Variants in IFI44L observed in about 807,000 individuals in gnomAD.
The protein encoded by IFI44L is interferon induced protein 44 like.
In IFI44L, 40 loss-of-function variants were observed where a neutral mutation model predicts 39.3. That is an observed-to-expected ratio of 1.02 (90% CI 0.79 to 1.33). The LOEUF is 1.33. Ranked by LOEUF, IFI44L falls within the 40% of genes most tolerant of loss-of-function variation. The probability of loss-of-function intolerance (pLI) is 0.00; values close to 1 mark genes in which losing one functional copy is unlikely to be tolerated. For synonymous variants in IFI44L, 198 were observed against 182.3 expected (o/e 1.09, Z -0.69); for missense variants, 623 against 549.0 (o/e 1.13, Z -1.35).
intron 6 of IFI44L, 22 bp from the exon 7 acceptor site, chr1:78,640,998 AC>A: frequency 6.7e-7 from 1 of 1,493,606 alleles, no homozygotes; most frequent in Non-Finnish European, 9.3e-7. Context: ...ATATAAAATA[AC>A]TGATTTATCT....
intron 6 of IFI44L, among the ~76,000 whole-genome samples, chr1:78,638,207 CAT>C (rs1029954858): frequency 1.3e-5 from 2 of 152,110 alleles, no homozygotes; most frequent in African/African-American, 4.8e-5. Context: ...AACATCTTCT[CAT>C]GTGCTTATTT....
Position 78,641,047 on chromosome 1 carries a change from A to G in IFI44L, c.1075A>G (p.Lys359Glu). 2 of 1,612,314 alleles carry G rather than the reference A, an allele frequency of 1.2e-6. No homozygotes were observed. Among genetic ancestry groups the G allele is most frequent in the Non-Finnish European group, 1.7e-6 (2 of 1,178,652 alleles). The change falls in exon 7 of 9, where the codon AAA (lysine) becomes GAA (glutamate). Residue 359 changes from lysine to glutamate, a missense_variant. Lys to Glu is a moderately conservative substitution (Grantham distance 56, BLOSUM62 1). Transcript: ENST00000370751. ...CGIAYVALLT[K>E]VDDCSEVLQD... ...TATAGCATATGTGGCCTTGCTTACT[A>G]AAGTGGATGATTGCAGTGAGGTTCT...
chr1:78,627,352 T>A (rs1408473506), intron 1 of IFI44L: 1 of 152,044 alleles, frequency 6.6e-6, no homozygotes, highest in African/African-American at 2.4e-5. Flanking sequence ...CTTTCATATT[T>A]CAATTTCTTT....
Position 78,629,235 on chromosome 1 carries a change from G to A in IFI44L, c.527+236G>A, listed in dbSNP as rs3818763. Among the ~76,000 whole-genome samples the A allele has an allele frequency of 0.19, 29,105 of 152,092 alleles. 3,357 individuals are homozygous for A. The highest frequency in any genetic ancestry group is 0.26 in the Middle Eastern group (77 of 294). ...ACTTTAGACCAAAATTTTCCAGGTA[G>A]GGTCTGGATAACCATTTTAGGTAAT... On this transcript the variant is annotated intron_variant, in intron 3 of 8. Coordinates refer to ENST00000370751, the MANE Select transcript of IFI44L (RefSeq NM_006820.4).
intron 1 of IFI44L, among the ~76,000 whole-genome samples, chr1:78,623,427 A>G (rs199558089): frequency 1.1e-5 from 1 of 94,788 alleles, no homozygotes; most frequent in African/African-American, 4.1e-5. Flanking sequence ...TTTTTTTTTT[A>G]AATCATGGAA....
At chr1:78,631,915 C>CT (rs1339981162) in intron 4 of IFI44L, among the ~76,000 whole-genome samples, 1 of 151,968 alleles carries the variant, frequency 6.6e-6, no homozygotes, top group Non-Finnish European at 1.5e-5. Context: ...GTATTTCTCC[C>CT]AATTACTGCA....
rs1646992068 is a variant in IFI44L at position 78,641,917 on chromosome 1, C to T, written c.*108C>T. ...TCAGATTTTGCTTTTGTTCGTTTTG[C>T]CTTCTGTCCTTGGAACAGTCATATC... On this transcript the variant is annotated 3_prime_UTR_variant, in exon 9 of 9. Transcript: ENST00000370751. 1.6e-6 allele frequency: 2 copies of T among 1,236,028 alleles called. No individual in the cohort carries two copies. Among genetic ancestry groups the T allele is most frequent in the South Asian group, 1.2e-5 (1 of 83,350 alleles). 76.6% of individuals were successfully genotyped at this position (1,236,028 alleles called of 1,614,324 possible). A position where few individuals can be genotyped will look rare whatever the true frequency, so the allele number is the denominator to read the frequency against.
At chr1:78,638,415 C>G (rs780026302) in intron 6 of IFI44L, among the ~76,000 whole-genome samples, 5 of 152,064 alleles carry the variant, frequency 3.3e-5, no homozygotes, top group Non-Finnish European at 7.4e-5. Context: ...ATTTCCATCC[C>G]TGCCATCTCT....
At position 78,627,893 on chromosome 1, in the gene IFI44L, G is replaced by T; in HGVS notation, c.-10-13G>T. The T allele has an allele frequency of 1.4e-6, 2 of 1,437,924 alleles. No homozygotes were observed. The highest frequency in any genetic ancestry group is 1.9e-6 in the Non-Finnish European group (2 of 1,073,972). 89.1% of individuals were successfully genotyped at this position (1,437,924 alleles called of 1,614,324 possible). ...TATATAAGCTTCTCAACCTATAATTGTTTTTCCATTAGATATAGAACAATG... is the reference window on the plus strand; with the variant it reads ...TATATAAGCTTCTCAACCTATAATTTTTTTTCCATTAGATATAGAACAATG... On this transcript the variant is annotated splice_polypyrimidine_tract_variant and intron_variant, in intron 1 of 8. Transcript: ENST00000370751.
rs984554629 is a variant in IFI44L, at chr1:78,633,947, A to G, written c.724-1390A>G. On this transcript the variant is annotated intron_variant, in intron 4 of 8. Coordinates refer to ENST00000370751, the MANE Select transcript of IFI44L (RefSeq NM_006820.4). ...TACAATGGGTGAAATGAGAAATGAA[A>G]TAGAGAGCATCAACAGCAGAATTGA... Among the ~76,000 whole-genome samples the G allele has an allele frequency of 8.5e-5, 13 of 152,124 alleles. No individual in the cohort carries two copies. The East Asian group carries it at 2.3e-3, about 27-fold the overall frequency.
At chr1:78,623,745 A>G (rs1366252453) in intron 1 of IFI44L, among the ~76,000 whole-genome samples, 1 of 152,126 alleles carries the variant, frequency 6.6e-6, no homozygotes, top group Non-Finnish European at 1.5e-5. Context: ...GTGGGAACTG[A>G]GAGAGCTGGA....
rs1031207848 is a variant in IFI44L at position 78,642,278 on chromosome 1, A to G, written c.*469A>G. ...CTGGTAATGAGCAAGCATACTTGCCATTACTTTTCCTTCCCACTCTCTCCA... is the reference window on the plus strand; with the variant it reads ...CTGGTAATGAGCAAGCATACTTGCCGTTACTTTTCCTTCCCACTCTCTCCA... On this transcript the variant is annotated 3_prime_UTR_variant, in exon 9 of 9. Coordinates refer to ENST00000370751, the MANE Select transcript of IFI44L (RefSeq NM_006820.4). 3 of 153,594 alleles carry G rather than the reference A, an allele frequency of 2.0e-5. No individual in the cohort carries two copies. Among genetic ancestry groups the G allele is most frequent in the African/African-American group, 7.3e-5 (3 of 41,234 alleles). 9.5% of individuals were successfully genotyped at this position (153,594 alleles called of 1,614,324 possible). A position where few individuals can be genotyped will look rare whatever the true frequency, so the allele number is the denominator to read the frequency against.
intron 4 of IFI44L, among the ~76,000 whole-genome samples, chr1:78,634,232 C>T (rs1652857244): frequency 6.6e-6 from 1 of 152,030 alleles, no homozygotes; most frequent in Admixed American, 6.6e-5. Flanking sequence ...GAAAAGTCCC[C>T]AGTCAGATTT....
chr1:78,629,345 A>G (rs970935977), intron 3 of IFI44L, among the ~76,000 whole-genome samples: 4 of 152,184 alleles, frequency 2.6e-5, no homozygotes, highest in East Asian at 1.9e-4. Flanking sequence ...ATTTATAGAT[A>G]GCTACATTGC....
intron 1 of IFI44L, among the ~76,000 whole-genome samples, chr1:78,623,389 GTTTTTTGTTTTTTTTTTT>G (rs1400442074): frequency 5.0e-5 from 1 of 19,924 alleles, no homozygotes; most frequent in African/African-American, 1.3e-4. Context: ...TGGTTTAAGT[GTTTTTTGTTTTTTTTTTT>G]TTTTTTTTTT....
intron 5 of IFI44L, among the ~76,000 whole-genome samples, chr1:78,636,273 A>G (rs1377249333): frequency 6.6e-6 from 1 of 152,118 alleles, no homozygotes; most frequent in Non-Finnish European, 1.5e-5. Flanking sequence ...CAATAACAGC[A>G]CAATCCTTAT....
At chr1:78,624,684 A>T (rs1036638744) in intron 1 of IFI44L, among the ~76,000 whole-genome samples, 4 of 152,112 alleles carry the variant, frequency 2.6e-5, no homozygotes, top group African/African-American at 7.2e-5. Flanking sequence ...GGGCTATCAA[A>T]ATCTCCTTCT....
chr1:78,635,095 A>C (rs1253057653), intron 4 of IFI44L, among the ~76,000 whole-genome samples: 2 of 151,574 alleles, frequency 1.3e-5, no homozygotes, highest in Non-Finnish European at 2.9e-5. Flanking sequence ...TTTAATTAAA[A>C]AGGAATATTT....
chr1:78,636,822 A>C, intron 5 of IFI44L: 2 of 456,400 alleles, frequency 4.4e-6, no homozygotes, highest in Non-Finnish European at 7.7e-6. Flanking sequence ...TACCAAAGCA[A>C]TAAAGTGTTT....
Sources: allele counts gnomAD v4.1 joint callset (sites outside exome capture counted in the v4.1 genomes callset), GRCh38; gene constraint gnomAD v4.1.1; transcripts MANE v1.5; gene names NCBI Gene and HGNC (gene_info 2026-07-23, HGNC 2026-07-21).